Variants in DYNC2I2 observed in about 807,000 individuals in gnomAD.
The protein encoded by DYNC2I2 is dynein 2 intermediate chain 2.
A neutral mutation model predicts 52.0 loss-of-function variants in DYNC2I2; 39 were observed. The ratio of observed to expected loss-of-function variants is 0.75; its 90% CI spans 0.58 to 0.98. The LOEUF (loss-of-function observed/expected upper bound fraction) is 0.98, where lower values mean the gene tolerates loss of function less well. Among genes scored for constraint, DYNC2I2 ranks in the 50% least tolerant of loss-of-function variants. The probability of loss-of-function intolerance (pLI) is 0.00; values close to 1 mark genes in which losing one functional copy is unlikely to be tolerated. For synonymous variants in DYNC2I2, 359 were observed against 321.1 expected (o/e 1.12, Z -1.26); for missense variants, 743 against 728.4 (o/e 1.02, Z -0.23).
At position 128,656,657 on chromosome 9, in the gene DYNC2I2, C is replaced by G; in HGVS notation, c.70G>C (p.Val24Leu). Residue 24 changes from valine to leucine, a missense_variant, in exon 1 of 9, where the codon GTC (valine) becomes CTC (leucine). By Grantham distance (32) the Val-to-Leu change is conservative (BLOSUM62 1). Transcript: ENST00000372715. ...GSAGVAALAT[V>L]GVASGPGPGR... ...GGCCCCGGGCCGCTCGCAACCCCGA[C>G]TGTCGCCAGCGCCGCAACACCAGCG... The G allele has an allele frequency of 6.6e-7, 1 of 1,511,576 alleles. No individual in the cohort carries two copies. The highest frequency in any genetic ancestry group is 2.7e-5 in the East Asian group (1 of 37,182). 93.6% of individuals were successfully genotyped at this position (1,511,576 alleles called of 1,614,324 possible). A position where few individuals can be genotyped will look rare whatever the true frequency, so the allele number is the denominator to read the frequency against.
chr9:128,659,063 CTT>C, upstream of DYNC2I2, among the ~76,000 whole-genome samples: 1 of 151,832 alleles, frequency 6.6e-6, no homozygotes, highest in East Asian at 1.9e-4. Flanking sequence ...AATTCAATCC[CTT>C]CAGGGCCCAA....
chr9:128,684,394 T>A, the DYNC2I2 span, among the ~76,000 whole-genome samples: 6 of 152,068 alleles, frequency 3.9e-5, no homozygotes, highest in South Asian at 1.2e-3. Context: ...TGTCCACCTC[T>A]CTCTCTGTTC....
At chr9:128,641,059 G>A in intron 1 of DYNC2I2, 120 bp from the exon 2 acceptor site, 4 of 1,420,846 alleles carry the variant, frequency 2.8e-6, no homozygotes, top group Admixed American at 2.8e-5. Context: ...CAGGCTAGGG[G>A]CCTCTCTCAG....
chr9:128,639,660 TTTG>T (rs1034537742), intron 2 of DYNC2I2, among the ~76,000 whole-genome samples: 15 of 151,986 alleles, frequency 9.9e-5, no homozygotes, highest in Non-Finnish European at 2.1e-4. Context: ...ACAGTTTTTT[TTTG>T]TTGTTTTTTT....
At chr9:128,664,136 A>AT in the DYNC2I2 span, among the ~76,000 whole-genome samples, 1 of 151,182 alleles carries the variant, frequency 6.6e-6, no homozygotes, top group East Asian at 1.9e-4. Context: ...TTTTTTTTGT[A>AT]TTTTTAGTAA....
chr9:128,677,696 A>G, the DYNC2I2 span, among the ~76,000 whole-genome samples: 4 of 151,626 alleles, frequency 2.6e-5, no homozygotes. Flanking sequence ...AATTCCAGCT[A>G]CTCGCAAGGC....
chr9:128,684,115 A>T, the DYNC2I2 span: 1 of 844,436 alleles, frequency 1.2e-6, no homozygotes, highest in South Asian at 1.7e-5. Flanking sequence ...AAGCACCCCC[A>T]AAGGGTTTTA....
chr9:128,662,571 T>C, the DYNC2I2 span, among the ~76,000 whole-genome samples: 4 of 151,126 alleles, frequency 2.6e-5, no homozygotes, highest in African/African-American at 9.7e-5. Flanking sequence ...CCACCATTCA[T>C]GGCTAATTTA....
At chr9:128,636,171 CGCCTTCCTGTCTCCGGGCCAAAGG>C in intron 4 of DYNC2I2, 86 bp downstream of exon 4, 1 of 1,491,534 alleles carries the variant, frequency 6.7e-7, no homozygotes, top group Non-Finnish European at 9.1e-7. Flanking sequence ...GGTCAGGGCC[CGCCTTCCTGTCTCCGGGCCAAAGG>C]GCCCATGGAA....
At chr9:128,647,334 G>C (rs1252689390) in intron 1 of DYNC2I2, among the ~76,000 whole-genome samples, 1 of 152,172 alleles carries the variant, frequency 6.6e-6, no homozygotes, top group Non-Finnish European at 1.5e-5. Flanking sequence ...CCCGGGGGAA[G>C]TCAGAGAAAG....
the DYNC2I2 span, among the ~76,000 whole-genome samples, chr9:128,675,866 AG>A: frequency 6.6e-6 from 1 of 152,150 alleles, no homozygotes; most frequent in Non-Finnish European, 1.5e-5. Context: ...CTGGGAGTCC[AG>A]GAAGCTCAAA....
the DYNC2I2 span, among the ~76,000 whole-genome samples, chr9:128,677,978 C>G: frequency 6.6e-6 from 1 of 152,102 alleles, no homozygotes; most frequent in African/African-American, 2.4e-5. Flanking sequence ...GTGTTTTTAT[C>G]TACTCCTCTT....
At chr9:128,683,830 A>T in the DYNC2I2 span, 1 of 1,360,030 alleles carries the variant, frequency 7.4e-7, no homozygotes, top group Non-Finnish European at 1.0e-6. Flanking sequence ...GGGCAGTCTC[A>T]GTGTTCAGCC....
the DYNC2I2 span, among the ~76,000 whole-genome samples, chr9:128,673,409 T>TG: frequency 8.0e-6 from 1 of 124,242 alleles, no homozygotes; most frequent in South Asian, 2.8e-4. Context: ...TGGTGCAATC[T>TG]GGGCTTACTG....
intron 1 of DYNC2I2, among the ~76,000 whole-genome samples, chr9:128,643,417 C>T (rs1860554340): frequency 6.6e-6 from 1 of 151,886 alleles, no homozygotes; most frequent in Admixed American, 6.6e-5. Flanking sequence ...ATCCCAATTG[C>T]TCAGGAGGCT....
At chr9:128,645,134 T>C (rs988957774) in intron 1 of DYNC2I2, among the ~76,000 whole-genome samples, 1 of 151,352 alleles carries the variant, frequency 6.6e-6, no homozygotes, top group Non-Finnish European at 1.5e-5. Flanking sequence ...GCAGATCACC[T>C]GAGCTCAGGA....
At chr9:128,642,591 A>T (rs1449896489) in intron 1 of DYNC2I2, among the ~76,000 whole-genome samples, 1 of 151,826 alleles carries the variant, frequency 6.6e-6, no homozygotes, top group Non-Finnish European at 1.5e-5. Context: ...TAATACGGTG[A>T]AACCCCGTCT....
In DYNC2I2 at chr9:128,633,755, C is replaced by T. The variant is rs1172178384; in HGVS notation, c.1600G>A (p.Val534Met). The T allele has an allele frequency of 1.2e-6, 2 of 1,613,066 alleles. No homozygotes were observed. Among genetic ancestry groups the T allele is most frequent in the East Asian group, 2.2e-5 (1 of 44,898 alleles). ...CCTCCCGGGACCCCTCAGGCCGCCACCTCTGCTGCCAGGCAGTCCAGGTCC... is the reference window on the plus strand; with the variant it reads ...CCTCCCGGGACCCCTCAGGCCGCCATCTCTGCTGCCAGGCAGTCCAGGTCC... The part of the protein sequence containing the change: ...AEDLDCLAAE[V>M]AA Residue 534 changes from valine (V) to methionine (M), a missense_variant, in exon 9 of 9, where the codon GTG becomes ATG. Val to Met is a conservative substitution (Grantham distance 21). Transcript: ENST00000372715.
intron 3 of DYNC2I2, 148 bp from the exon 4 acceptor site, chr9:128,636,586 A>T: frequency 1.0e-6 from 1 of 955,546 alleles, no homozygotes; most frequent in Non-Finnish European, 1.5e-6. Context: ...CCCACACTCC[A>T]CTCTAGCACC....
Sources: gnomAD v4.1 joint callset for allele counts (sites outside exome capture counted in the v4.1 genomes callset) on GRCh38, gnomAD v4.1.1 for gene constraint, MANE v1.5 for transcripts, NCBI Gene and HGNC (gene_info 2026-07-23, HGNC 2026-07-21) for gene names.